The following COL15A1 variants were observed in gnomAD, a reference collection of about 807,000 sequenced individuals.
COL15A1 encodes the protein collagen alpha-1(XV) chain.
Under a neutral mutation model 165.9 loss-of-function variants are expected in COL15A1, and 111 were observed. That is an observed-to-expected ratio of 0.67 (90% confidence interval 0.57 to 0.78). The LOEUF (loss-of-function observed/expected upper bound fraction) is 0.78. COL15A1 is among the 30% of genes least tolerant of loss of function. The probability of loss-of-function intolerance (pLI) is 0.00; values close to 1 mark genes in which losing one functional copy is unlikely to be tolerated. For synonymous variants in COL15A1, 659 were observed against 674.8 expected (o/e 0.98, Z 0.36); for missense variants, 1,745 against 1,789.7 (o/e 0.98, Z 0.45).
intron 28 of COL15A1, among the ~76,000 whole-genome samples, chr9:99,049,238 A>G (rs1165097472): frequency 6.6e-6 from 1 of 152,174 alleles, no homozygotes; most frequent in African/African-American, 2.4e-5. Context: ...AGAGTTTTGC[A>G]TTTATGCTTG....
chr9:99,009,072 C>T (rs1001664308), intron 9 of COL15A1, among the ~76,000 whole-genome samples: 2 of 152,330 alleles, frequency 1.3e-5, no homozygotes, highest in Non-Finnish European at 2.9e-5. Flanking sequence ...TATTCATGAA[C>T]ATTTCAGCTC....
intron 5 of COL15A1, among the ~76,000 whole-genome samples, chr9:98,990,524 G>A (rs1488490246): frequency 6.6e-6 from 1 of 152,248 alleles, no homozygotes; most frequent in African/African-American, 2.4e-5. Context: ...TGGGGCAGTA[G>A]GACACAGAGT....
intron 5 of COL15A1, among the ~76,000 whole-genome samples, chr9:98,993,297 C>T (rs1385788766): frequency 6.6e-6 from 1 of 152,178 alleles, no homozygotes; most frequent in Non-Finnish European, 1.5e-5. Context: ...TGTCAGAGAG[C>T]AGCTCAGTGC....
chr9:99,022,246 A>G, intron 13 of COL15A1, 96 bp downstream of exon 13: 4 of 1,531,446 alleles, frequency 2.6e-6, no homozygotes, highest in African/African-American at 1.4e-5. Flanking sequence ...TTTGGCCCCC[A>G]AAGTATCTTG....
chr9:99,007,152 T>C (rs1436462598), intron 9 of COL15A1, among the ~76,000 whole-genome samples: 4 of 152,248 alleles, frequency 2.6e-5, no homozygotes, highest in African/African-American at 7.2e-5. Flanking sequence ...TTCAAGTTTC[T>C]GATTAGCCTT....
At chr9:99,043,000 T>G (rs1320419684) in intron 24 of COL15A1, among the ~76,000 whole-genome samples, 2 of 152,120 alleles carry the variant, frequency 1.3e-5, no homozygotes, top group Non-Finnish European at 2.9e-5. Context: ...GAGGAAGAGA[T>G]ATGCAAAGAG....
At chr9:98,954,064 T>C (rs1321892132) in intron 2 of COL15A1, among the ~76,000 whole-genome samples, 1 of 152,166 alleles carries the variant, frequency 6.6e-6, no homozygotes, top group Non-Finnish European at 1.5e-5. Context: ...GTAGAGACAG[T>C]GCGCAGAAGC....
chr9:98,973,220 G>A (rs1339052001), intron 2 of COL15A1, among the ~76,000 whole-genome samples: 3 of 152,214 alleles, frequency 2.0e-5, no homozygotes, highest in East Asian at 1.9e-4. Flanking sequence ...AAGCAAGAAC[G>A]AGAGAACAAG....
chr9:98,965,461 G>A (rs1837941451), intron 2 of COL15A1, among the ~76,000 whole-genome samples: 1 of 152,220 alleles, frequency 6.6e-6, no homozygotes, highest in African/African-American at 2.4e-5. Context: ...GAGGTTAGGT[G>A]AGCTAATGCA....
rs1456277211 is a variant in COL15A1 at position 99,044,808 on chromosome 9, G to A, written c.2679+38G>A. On this transcript the variant is annotated intron_variant, in intron 26 of 41. Transcript: ENST00000375001. ...GTCTCTCAGCTGGATCTGGGCTGGG[G>A]TTTGAAGCATTTTTCATACTTTGAT... is the stretch of plus-strand genomic sequence containing the variant. The A allele has an allele frequency of 3.8e-6, 6 of 1,585,430 alleles. No homozygotes were observed. The Admixed American group carries it at 1.0e-4, about 26-fold the overall frequency.
At chr9:99,033,722 C>T (rs972761520) in intron 16 of COL15A1, among the ~76,000 whole-genome samples, 3 of 152,182 alleles carry the variant, frequency 2.0e-5, no homozygotes, top group Non-Finnish European at 4.4e-5. Context: ...GGGGGAAGGA[C>T]ATAGTCTTTG....
chr9:98,992,179 G>GTTTGGGC (rs1455924931), intron 5 of COL15A1, among the ~76,000 whole-genome samples: 1 of 152,268 alleles, frequency 6.6e-6, no homozygotes, highest in African/African-American at 2.4e-5. Context: ...CGTCAGGGAG[G>GTTTGGGC]CTTGGGCCAT....
At chr9:99,059,367 G>A (rs1418539185) in intron 35 of COL15A1, among the ~76,000 whole-genome samples, 1 of 151,502 alleles carries the variant, frequency 6.6e-6, no homozygotes, top group Non-Finnish European at 1.5e-5. Flanking sequence ...GTTTCCTCGA[G>A]ATCACACAGC....
At chr9:99,050,317 C>T (rs1839566743) in intron 30 of COL15A1, among the ~76,000 whole-genome samples, 1 of 152,188 alleles carries the variant, frequency 6.6e-6, no homozygotes, top group African/African-American at 2.4e-5. Context: ...CACTGCACCG[C>T]ACACAACACT....
intron 39 of COL15A1, 109 bp downstream of exon 39, chr9:99,063,218 T>C: frequency 7.9e-7 from 1 of 1,273,422 alleles, no homozygotes; most frequent in Non-Finnish European, 1.0e-6. Context: ...TATAGACTAG[T>C]GAGAGAGGCA....
chr9:99,040,101 C>T (rs1207192809), intron 22 of COL15A1, among the ~76,000 whole-genome samples: 1 of 152,188 alleles, frequency 6.6e-6, no homozygotes, highest in Non-Finnish European at 1.5e-5. Context: ...TCCAAAATAC[C>T]TCAATAATGA....
In COL15A1 at chr9:98,952,693, G is replaced by A. The variant is rs189669740; in HGVS notation, c.100+8443G>A. Among the ~76,000 whole-genome samples, 458 of 152,284 alleles carry A rather than the reference G, an allele frequency of 3.0e-3. 11 individuals carry two copies. The highest frequency in any genetic ancestry group is 0.027 in the Admixed American group (417 of 15,298). ...TGAGCCACCACACTTGGCCAGATTA[G>A]GGTATAATCTAAAGCCAGTTCTTTT... On this transcript the variant is annotated intron_variant, in intron 2 of 41. Transcript: ENST00000375001.
chr9:99,038,117 A>G (rs368947477), intron 21 of COL15A1, among the ~76,000 whole-genome samples: 1 of 151,944 alleles, frequency 6.6e-6, no homozygotes, highest in African/African-American at 2.4e-5. Context: ...AGAAGAAAAA[A>G]AAAACACGAT....
intron 2 of COL15A1, among the ~76,000 whole-genome samples, chr9:98,950,655 C>T (rs151046485): frequency 0.013 from 1,972 of 149,028 alleles, 46 homozygotes; most frequent in African/African-American, 0.047. Flanking sequence ...CTCTGTCACC[C>T]AGGCTGGAGT....
Sources: gnomAD v4.1 joint callset for allele counts (sites outside exome capture counted in the v4.1 genomes callset) on GRCh38, gnomAD v4.1.1 for gene constraint, MANE v1.5 for transcripts, NCBI Gene and HGNC (gene_info 2026-07-23, HGNC 2026-07-21) for gene names.